C14orf39: variants seen among roughly 807,000 people sequenced by gnomAD.
The protein encoded by C14orf39 is protein SIX6OS1.
Under a neutral mutation model 85.6 loss-of-function variants are expected in C14orf39, and 66 were observed. The observed-to-expected ratio is 0.77, with a 90% CI of 0.63 to 0.95. The LOEUF is 0.95. C14orf39 is among the 40% of genes least tolerant of loss of function. The pLI, the probability that C14orf39 is intolerant of heterozygous loss-of-function variation, is 0.00. For missense variants in C14orf39, 735 were observed against 663.9 expected, an observed-to-expected ratio of 1.11 and a Z score of -1.18; for synonymous variants, 242 against 214.0, an observed-to-expected ratio of 1.13 and a Z score of -1.14.
At chr14:60,470,702 T>A (rs1279198374) in intron 7 of C14orf39, among the ~76,000 whole-genome samples, 1 of 151,548 alleles carries the variant, frequency 6.6e-6, no homozygotes, top group Non-Finnish European at 1.5e-5. Context: ...TGGAAAAAGC[T>A]AGCAGCAGAA....
chr14:60,456,837 A>G, intron 15 of C14orf39, 80 bp downstream of exon 15: 3 of 1,258,960 alleles, frequency 2.4e-6, no homozygotes, highest in Non-Finnish European at 3.3e-6. Context: ...AAAGGTACTA[A>G]GCATTTTACT....
At chr14:60,498,473 T>C (rs1893098551) in intron 2 of C14orf39, among the ~76,000 whole-genome samples, 1 of 152,242 alleles carries the variant, frequency 6.6e-6, no homozygotes, top group Admixed American at 6.5e-5. Flanking sequence ...CCAGACAATT[T>C]TCCAAACTCT....
Position 60,483,672 on chromosome 14 carries a change from G to T in C14orf39, c.233+19C>A, listed in dbSNP as rs762059134. ...TAAATAAAAGAATGCAATGAAAATT[G>T]ATTCTTTCAAATACTCACTTTCTAC... is the stretch of plus-strand genomic sequence containing the variant. On this transcript the variant is annotated intron_variant, in intron 4 of 17. Transcript: ENST00000321731. 1.0e-5 allele frequency: 16 copies of T among 1,566,828 alleles called. No homozygotes were observed. The East Asian group carries it at 2.7e-4, about 27-fold the overall frequency.
chr14:60,483,413 T>G (rs1892732186), intron 4 of C14orf39, among the ~76,000 whole-genome samples: 1 of 152,180 alleles, frequency 6.6e-6, no homozygotes, highest in African/African-American at 2.4e-5. Flanking sequence ...AAATGGAAAT[T>G]GTTTCAAATA....
At position 60,475,385 on chromosome 14, in the gene C14orf39, T is replaced by C. The variant is rs138874992; in HGVS notation, c.323+2915A>G. Among the ~76,000 whole-genome samples, 843 of 152,252 alleles carry C rather than the reference T, an allele frequency of 5.5e-3. 2 individuals carry two copies. The highest frequency in any genetic ancestry group is 0.018 in the African/African-American group (756 of 41,556). On this transcript the variant is annotated intron_variant, in intron 5 of 17. Coordinates refer to ENST00000321731, the MANE Select transcript of C14orf39 (RefSeq NM_174978.3). Reference sequence around the variant, plus strand: ...CCGTTCAAATAACCTTTTTTTCTTATTTGACCTGTGCTCGATTCTACAAGA... The same window carrying C: ...CCGTTCAAATAACCTTTTTTTCTTACTTGACCTGTGCTCGATTCTACAAGA...
chr14:60,468,912 A>G (rs1311032822), intron 8 of C14orf39, among the ~76,000 whole-genome samples: 4 of 151,554 alleles, frequency 2.6e-5, no homozygotes, highest in African/African-American at 4.8e-5. Flanking sequence ...ATACTTAATG[A>G]AAGATAAGTA....
chr14:60,471,454 C>G lies in C14orf39; in HGVS notation c.517G>C (p.Ala173Pro), dbSNP rs1357302240. 1 of 1,599,918 alleles carries G rather than the reference C, an allele frequency of 6.3e-7. No individual in the cohort carries two copies. The highest frequency in any genetic ancestry group is 8.5e-7 in the Non-Finnish European group (1 of 1,173,202). ...ETIFMKFRVP[A>P]PFPSLTKWTL... ...CATTTAGTAAGTGATGGAAAGGGAG[C>G]AGGCACTGAAAAATAAAGTCACAGC... The change falls in exon 7 of 18, where the codon GCT becomes CCT. Residue 173 changes from alanine to proline, a missense_variant. Transcript: ENST00000321731.
chr14:60,507,070 C>T (rs1279392846), intron 1 of C14orf39, among the ~76,000 whole-genome samples: 1 of 152,124 alleles, frequency 6.6e-6, no homozygotes, highest in African/African-American at 2.4e-5. Flanking sequence ...GGATCGGGGT[C>T]GGCTCTCGGC....
intron 3 of C14orf39, 50 bp from the exon 4 acceptor site, chr14:60,483,867 A>C: frequency 7.7e-7 from 1 of 1,294,044 alleles, no homozygotes; most frequent in Non-Finnish European, 1.1e-6. Context: ...ATAAGTTCAA[A>C]ATAAACAAAT....
At chr14:60,493,737 TAAGA>T (rs1383173307) in intron 2 of C14orf39, 1 of 151,884 alleles carries the variant, frequency 6.6e-6, no homozygotes, top group African/African-American at 2.4e-5. Context: ...TACATATCAG[TAAGA>T]AAAAGGAAAA....
intron 1 of C14orf39, chr14:60,510,994 G>T: frequency 1.5e-6 from 2 of 1,365,048 alleles, no homozygotes; most frequent in Non-Finnish European, 2.0e-6. Context: ...ACCTCTAGCC[G>T]CCGGGCTGGA....
chr14:60,473,536 G>A (rs1892211203), intron 5 of C14orf39, among the ~76,000 whole-genome samples: 2 of 152,162 alleles, frequency 1.3e-5, no homozygotes, highest in African/African-American at 4.8e-5. Context: ...ATGGTTTTAG[G>A]TCTAACATGT....
At chr14:60,499,774 C>T (rs375692523) in intron 1 of C14orf39, among the ~76,000 whole-genome samples, 15 of 152,104 alleles carry the variant, frequency 9.9e-5, no homozygotes, top group Admixed American at 5.2e-4. Flanking sequence ...TGGCAATACA[C>T]GACAAGAAAA....
At chr14:60,494,160 A>G in intron 2 of C14orf39, 1 of 314,064 alleles carries the variant, frequency 3.2e-6, no homozygotes, top group Non-Finnish European at 6.5e-6. Flanking sequence ...CTTGGGAAAC[A>G]TTTCTGAGAC....
At chr14:60,467,989 C>G (rs1434790617) in intron 9 of C14orf39, among the ~76,000 whole-genome samples, 2 of 150,824 alleles carry the variant, frequency 1.3e-5, no homozygotes, top group Non-Finnish European at 3.0e-5. Context: ...GCCATTAAAA[C>G]AAAAGACAAG....
At chr14:60,486,502 TTGAA>T (rs1892897230), upstream of C14orf39, among the ~76,000 whole-genome samples, 1 of 152,224 alleles carries the variant, frequency 6.6e-6, no homozygotes, top group South Asian at 2.1e-4. Context: ...TACATATTAG[TTGAA>T]TGGACATTTT....
rs767722228 is a variant in C14orf39, at chr14:60,461,421, G to C, written c.1059-9C>G. ...TCTGTGGGGTTAACAATCTAAAATG[G>C]AATAAATATAATTTTTGTATTTTTT... On this transcript the variant is annotated splice_polypyrimidine_tract_variant and intron_variant, in intron 12 of 17. Coordinates refer to ENST00000321731, the MANE Select transcript of C14orf39 (RefSeq NM_174978.3). 1 of 1,601,302 alleles carries C rather than the reference G, an allele frequency of 6.2e-7. No individual in the cohort carries two copies. The highest frequency in any genetic ancestry group is 8.5e-7 in the Non-Finnish European group (1 of 1,172,434).
chr14:60,510,006 CG>C (rs1490684092), intron 1 of C14orf39: 1 of 1,553,234 alleles, frequency 6.4e-7, no homozygotes, highest in East Asian at 2.4e-5. Flanking sequence ...TTGAGCGCAC[CG>C]GGGAGGAGGC....
intron 11 of C14orf39, among the ~76,000 whole-genome samples, chr14:60,461,911 T>C: frequency 6.6e-6 from 1 of 152,144 alleles, no homozygotes; most frequent in East Asian, 1.9e-4. Context: ...AACTAAATGT[T>C]ACCATTTTCT....
Sources: gnomAD v4.1 joint callset for allele counts (sites outside exome capture counted in the v4.1 genomes callset) on GRCh38, gnomAD v4.1.1 for gene constraint, MANE v1.5 for transcripts, NCBI Gene and HGNC (gene_info 2026-07-23, HGNC 2026-07-21) for gene names.